Variants in GPC6 observed in about 807,000 individuals in gnomAD.
The protein encoded by GPC6 is glypican 6, also known as glypican-6.
A neutral mutation model predicts 55.2 loss-of-function variants in GPC6; 14 were observed. The ratio of observed to expected loss-of-function variants is 0.25; its 90% CI spans 0.17 to 0.40. GPC6 has a LOEUF of 0.40. Among genes scored for constraint, GPC6 ranks in the 10% least tolerant of loss-of-function variants. GPC6 has a pLI of 1.00. For synonymous variants in GPC6, 278 were observed against 259.6 expected, an observed-to-expected ratio of 1.07 and a Z score of -0.68; for missense variants, 641 against 708.5, an observed-to-expected ratio of 0.90 and a Z score of 1.08.
chr13:94,158,635 A>G (rs1888043386), intron 4 of GPC6, among the ~76,000 whole-genome samples: 1 of 152,158 alleles, frequency 6.6e-6, no homozygotes, highest in Admixed American at 6.6e-5. Flanking sequence ...ATGTAATTAG[A>G]AGATTTAGGG....
intron 1 of GPC6, among the ~76,000 whole-genome samples, chr13:93,233,232 T>C (rs1364532589): frequency 6.6e-6 from 1 of 152,132 alleles, no homozygotes; most frequent in African/African-American, 2.4e-5. Context: ...TCCATAGTGG[T>C]GAGACTTGGG....
chr13:93,361,213 T>G (rs1384262286), intron 1 of GPC6, among the ~76,000 whole-genome samples: 1 of 152,096 alleles, frequency 6.6e-6, no homozygotes, highest in African/African-American at 2.4e-5. Flanking sequence ...CTCTGAAACT[T>G]TCTTGCCATA....
Position 93,916,590 on chromosome 13 carries a change from T to C in GPC6, c.711+86045T>C, listed in dbSNP as rs545647780. 5.9e-5 allele frequency among the ~76,000 whole-genome samples: 9 copies of C among 152,300 alleles called. No individual in the cohort carries two copies. The East Asian group carries it at 1.5e-3, about 26-fold the overall frequency. On this transcript the variant is annotated intron_variant, in intron 3 of 8. Transcript: ENST00000377047. ...AACTGCCTGTAGCCTGCTGTTAATA[T>C]AGTTGAAATAACTTGTCAGACTTCC...
At chr13:93,875,087 G>A (rs1236776300) in intron 3 of GPC6, among the ~76,000 whole-genome samples, 1 of 151,792 alleles carries the variant, frequency 6.6e-6, no homozygotes. Flanking sequence ...AATAGTGTTG[G>A]GCTTTCTTCC....
intron 2 of GPC6, among the ~76,000 whole-genome samples, chr13:93,594,356 T>C (rs1024948979): frequency 3.3e-5 from 5 of 152,102 alleles, no homozygotes; most frequent in Non-Finnish European, 7.4e-5. Flanking sequence ...TGTGTGTTGT[T>C]CCCCTCTATG....
intron 7 of GPC6, among the ~76,000 whole-genome samples, chr13:94,392,459 G>A (rs1237992259): frequency 4.3e-5 from 5 of 117,270 alleles, no homozygotes; most frequent in African/African-American, 1.6e-4. Context: ...ATGGAGTTTA[G>A]CTCTTGTGGC....
intron 1 of GPC6, among the ~76,000 whole-genome samples, chr13:93,449,625 C>T (rs565820135): frequency 2.0e-5 from 3 of 152,192 alleles, no homozygotes; most frequent in South Asian, 2.1e-4. Context: ...GTCAGGAGTT[C>T]GAAACCAGCT....
At chr13:93,969,194 G>T (rs1880179917) in intron 3 of GPC6, among the ~76,000 whole-genome samples, 1 of 152,164 alleles carries the variant, frequency 6.6e-6, no homozygotes, top group Non-Finnish European at 1.5e-5. Flanking sequence ...GTTTAAAAGG[G>T]ATTGATATCA....
At chr13:93,897,733 C>T (rs141216625) in intron 3 of GPC6, among the ~76,000 whole-genome samples, 1 of 152,042 alleles carries the variant, frequency 6.6e-6, no homozygotes, top group Non-Finnish European at 1.5e-5. Flanking sequence ...TCTGTCCCCC[C>T]CATCTGTTAA....
intron 4 of GPC6, among the ~76,000 whole-genome samples, chr13:94,157,498 A>C (rs1048809964): frequency 1.3e-5 from 2 of 152,148 alleles, no homozygotes; most frequent in East Asian, 1.9e-4. Flanking sequence ...GGTGCAGAGA[A>C]TGGGAGAAGT....
At chr13:93,387,105 C>G (rs918421078) in intron 1 of GPC6, among the ~76,000 whole-genome samples, 2 of 151,296 alleles carry the variant, frequency 1.3e-5, no homozygotes, top group Non-Finnish European at 2.9e-5. Flanking sequence ...ATTTCACACA[C>G]TATGGTCACT....
chr13:94,016,039 A>AT (rs1882453030), intron 3 of GPC6, among the ~76,000 whole-genome samples: 1 of 151,944 alleles, frequency 6.6e-6, no homozygotes, highest in Admixed American at 6.6e-5. Flanking sequence ...AGCCACTCCC[A>AT]TTTTCTTCAT....
chr13:93,397,372 G>C (rs1875898440), intron 1 of GPC6, among the ~76,000 whole-genome samples: 1 of 152,098 alleles, frequency 6.6e-6, no homozygotes, highest in Non-Finnish European at 1.5e-5. Context: ...ATATCTCACT[G>C]TGGTTTTTAT....
chr13:93,784,853 T>A (rs538669573), intron 2 of GPC6, among the ~76,000 whole-genome samples: 4 of 152,302 alleles, frequency 2.6e-5, no homozygotes, highest in African/African-American at 9.6e-5. Context: ...ACACAGATTG[T>A]GTCTAAATGC....
chr13:93,446,150 T>C (rs1877987409), intron 1 of GPC6, among the ~76,000 whole-genome samples: 1 of 152,192 alleles, frequency 6.6e-6, no homozygotes, highest in East Asian at 1.9e-4. Context: ...TTTTTAAACT[T>C]CCTAAGGTTA....
At chr13:94,188,762 C>CAT (rs1315895706) in intron 4 of GPC6, among the ~76,000 whole-genome samples, 3 of 152,062 alleles carry the variant, frequency 2.0e-5, no homozygotes, top group Non-Finnish European at 4.4e-5. Flanking sequence ...GCACCACACC[C>CAT]CATCCCATAG....
At chr13:94,370,620 C>T (rs945792552) in intron 6 of GPC6, among the ~76,000 whole-genome samples, 6 of 152,118 alleles carry the variant, frequency 3.9e-5, no homozygotes, top group Admixed American at 6.5e-5. Context: ...AAATCGATTT[C>T]GTTGAATGTT....
intron 2 of GPC6, among the ~76,000 whole-genome samples, chr13:93,824,869 T>C (rs1023533495): frequency 2.6e-5 from 4 of 152,096 alleles, no homozygotes; most frequent in Non-Finnish European, 5.9e-5. Flanking sequence ...GATCTATTCA[T>C]TCATTCACTA....
chr13:93,788,537 A>ACACACT (rs1301989793), intron 2 of GPC6, among the ~76,000 whole-genome samples: 2 of 151,540 alleles, frequency 1.3e-5, no homozygotes, highest in Non-Finnish European at 2.9e-5. Flanking sequence ...ACACACACAC[A>ACACACT]CACACACCTT....
Sources: allele counts gnomAD v4.1 joint callset (sites outside exome capture counted in the v4.1 genomes callset), GRCh38; gene constraint gnomAD v4.1.1; transcripts MANE v1.5; gene names NCBI Gene and HGNC (gene_info 2026-07-23, HGNC 2026-07-21).